NIPA2: variants seen among roughly 807,000 people sequenced by gnomAD.
NIPA2 encodes NIPA magnesium transporter 2.
A neutral mutation model predicts 29.7 loss-of-function variants in NIPA2; 11 were observed. That is an observed-to-expected ratio of 0.37 (90% CI 0.23 to 0.61). NIPA2 has a LOEUF of 0.61. Among genes scored for constraint, NIPA2 ranks in the 20% least tolerant of loss-of-function variants. NIPA2 has a pLI of 0.66. For synonymous variants in NIPA2, 183 were observed against 161.9 expected, an observed-to-expected ratio of 1.13 and a Z score of -0.99; for missense variants, 426 against 437.9, an observed-to-expected ratio of 0.97 and a Z score of 0.24.
chr15:22,843,243 G>T (rs1002077084), intron 2 of NIPA2, among the ~76,000 whole-genome samples: 1 of 152,036 alleles, frequency 6.6e-6, no homozygotes, highest in Non-Finnish European at 1.5e-5. Flanking sequence ...GGTGGCTCAC[G>T]CCTGTAATCC....
chr15:22,861,428 C>A (rs1045768736), intron 7 of NIPA2, among the ~76,000 whole-genome samples: 3 of 152,094 alleles, frequency 2.0e-5, no homozygotes, highest in Non-Finnish European at 4.4e-5. Flanking sequence ...TCTTGGATCC[C>A]TTATTTCCAG....
intron 4 of NIPA2, among the ~76,000 whole-genome samples, chr15:22,852,467 T>TAAAAA (rs71411211): frequency 1.5e-5 from 2 of 131,010 alleles, no homozygotes; most frequent in African/African-American, 2.9e-5. Context: ...AGACTCCGTC[T>TAAAAA]AAAAAAAAAA....
At position 22,860,934 on chromosome 15, in the gene NIPA2, A is replaced by G. The variant is rs540661962; in HGVS notation, c.448+145A>G. The G allele has an allele frequency of 2.5e-5, 15 of 594,066 alleles. 1 individual carries two copies. Among genetic ancestry groups the G allele is most frequent in the African/African-American group, 1.2e-4 (6 of 51,936 alleles). 36.8% of individuals were successfully genotyped at this position (594,066 alleles called of 1,614,324 possible). A position where few individuals can be genotyped will look rare whatever the true frequency, so the allele number is the denominator to read the frequency against. ...GTCGTCATGTTCCCTGCTCCCTCCT[A>G]TCAATCCCAAGCCTGTGTTTCTACT... is the stretch of plus-strand genomic sequence containing the variant. On this transcript the variant is annotated intron_variant, in intron 7 of 7. Transcript: ENST00000337451.
At position 22,851,870 on chromosome 15, in the gene NIPA2, G is replaced by A; in HGVS notation, c.139G>A (p.Gly47Ser). 6.2e-7 allele frequency: 1 copy of A among 1,612,728 alleles called. No homozygotes were observed. The highest frequency in any genetic ancestry group is 8.5e-7 in the Non-Finnish European group (1 of 1,179,476). The change falls in exon 4 of 8, where the codon GGT becomes AGT. Residue 47 changes from glycine to serine, a missense_variant and splice_region_variant. Transcript: ENST00000337451. ...RLARKGSMRA[G>S]QGGHAYLKEW... is the part of the protein sequence containing the mutation. Reference sequence around the variant, plus strand: ...TGCCAGGAAAGGCTCTATGAGAGCAGGTAGGTTATGCCTTATGTGACTTTG... The same window carrying A: ...TGCCAGGAAAGGCTCTATGAGAGCAAGTAGGTTATGCCTTATGTGACTTTG...
At chr15:22,840,881 A>G (rs988415585) in intron 2 of NIPA2, among the ~76,000 whole-genome samples, 2 of 152,188 alleles carry the variant, frequency 1.3e-5, no homozygotes, top group African/African-American at 4.8e-5. Flanking sequence ...TGGTTTACTC[A>G]TATTTAAAAC....
chr15:22,861,464 G>A (rs2058617691), intron 7 of NIPA2, among the ~76,000 whole-genome samples: 1 of 152,034 alleles, frequency 6.6e-6, no homozygotes, highest in Non-Finnish European at 1.5e-5. Flanking sequence ...CCTTCATTTT[G>A]GTGGTGTCAC....
At chr15:22,863,567 C>G (rs1359546180) in intron 7 of NIPA2, among the ~76,000 whole-genome samples, 1 of 152,184 alleles carries the variant, frequency 6.6e-6, no homozygotes, top group Non-Finnish European at 1.5e-5. Context: ...CTCCTCTGAC[C>G]TTGGCTGTGC....
At chr15:22,852,008 A>C (rs183254927) in intron 4 of NIPA2, 138 bp downstream of exon 4, 1 of 744,362 alleles carries the variant, frequency 1.3e-6, no homozygotes, top group Non-Finnish European at 2.2e-6. Flanking sequence ...AATGTTTACA[A>C]AGTTGATGTT....
intron 7 of NIPA2, among the ~76,000 whole-genome samples, chr15:22,864,915 G>A (rs2058880466): frequency 6.6e-6 from 1 of 152,074 alleles, no homozygotes; most frequent in Non-Finnish European, 1.5e-5. Flanking sequence ...AGGCTGGAGT[G>A]CAGTGGCATG....
At chr15:22,839,189 G>A (rs1399488038) in intron 1 of NIPA2, 3 of 152,164 alleles carry the variant, frequency 2.0e-5, no homozygotes, top group African/African-American at 7.2e-5. Flanking sequence ...GTTTTAGAAG[G>A]TGGCTTCAGC....
At chr15:22,853,060 A>C (rs1374486328) in intron 4 of NIPA2, 152 bp from the exon 5 acceptor site, 6 of 581,132 alleles carry the variant, frequency 1.0e-5, no homozygotes, top group Non-Finnish European at 1.8e-5. Flanking sequence ...CAAGATAATC[A>C]TTAAGAAATT....
At chr15:22,857,517 C>T (rs1056313723) in intron 5 of NIPA2, among the ~76,000 whole-genome samples, 7 of 150,876 alleles carry the variant, frequency 4.6e-5, no homozygotes, top group African/African-American at 1.7e-4. Context: ...TAGAACAGGA[C>T]CTGGTGTATA....
Position 22,867,324 on chromosome 15 carries a change from T to A in NIPA2, c.*477T>A, listed in dbSNP as rs2059167124. 1 of 397,610 alleles carries A rather than the reference T, an allele frequency of 2.5e-6. No homozygotes were observed. The highest frequency in any genetic ancestry group is 4.4e-5 in the Admixed American group (1 of 22,724). The allele number at this position is 397,610 out of a possible 1,614,324, so 24.6% of individuals were successfully genotyped here. ...CCTGTTTGTTTGATGATGATTGGTT[T>A]TATTTTTGAAATATTTATTAAGGGA... is the stretch of plus-strand genomic sequence containing the variant. On this transcript the variant is annotated 3_prime_UTR_variant, in exon 8 of 8. Coordinates refer to ENST00000337451, the MANE Select transcript of NIPA2 (RefSeq NM_030922.7).
At chr15:22,855,917 T>C (rs2058143899) in intron 5 of NIPA2, among the ~76,000 whole-genome samples, 1 of 152,208 alleles carries the variant, frequency 6.6e-6, no homozygotes, top group African/African-American at 2.4e-5. Flanking sequence ...TATTCACACC[T>C]TTCTCTAATC....
intron 7 of NIPA2, among the ~76,000 whole-genome samples, chr15:22,862,315 T>C (rs532119379): frequency 8.5e-5 from 13 of 152,230 alleles, no homozygotes; most frequent in African/African-American, 3.1e-4. Flanking sequence ...CCCAAAGTGC[T>C]GGGATTACAG....
intron 2 of NIPA2, among the ~76,000 whole-genome samples, chr15:22,841,633 C>T (rs1027626326): frequency 5.3e-5 from 8 of 152,188 alleles, no homozygotes; most frequent in Non-Finnish European, 8.8e-5. Context: ...CTCAGCCTCC[C>T]GAGTAGCTGG....
intron 2 of NIPA2, among the ~76,000 whole-genome samples, chr15:22,842,071 C>G (rs569229770): frequency 6.6e-6 from 1 of 152,172 alleles, no homozygotes; most frequent in Non-Finnish European, 1.5e-5. Flanking sequence ...ATAACATTTG[C>G]CACTTTTCCA....
At chr15:22,863,248 T>G (rs940907706) in intron 7 of NIPA2, among the ~76,000 whole-genome samples, 3 of 151,834 alleles carry the variant, frequency 2.0e-5, no homozygotes, top group African/African-American at 4.8e-5. Context: ...CTGGCCTAAT[T>G]TTTGTATCTT....
At chr15:22,844,330 G>A (rs1047516582) in intron 2 of NIPA2, among the ~76,000 whole-genome samples, 1 of 152,082 alleles carries the variant, frequency 6.6e-6, no homozygotes, top group Admixed American at 6.5e-5. Flanking sequence ...GGAGGCCAAG[G>A]TGGGCGGATC....
Sources: gnomAD v4.1 joint callset for allele counts (sites outside exome capture counted in the v4.1 genomes callset) on GRCh38, gnomAD v4.1.1 for gene constraint, MANE v1.5 for transcripts, NCBI Gene and HGNC (gene_info 2026-07-23, HGNC 2026-07-21) for gene names.